Variants in ANO4 observed in about 807,000 individuals in gnomAD.
The protein encoded by ANO4 is anoctamin 4, also known as anoctamin-4.
In ANO4, 69 loss-of-function variants were observed where a neutral mutation model predicts 141.9. That is an observed-to-expected ratio of 0.49 (90% CI 0.40 to 0.59). The LOEUF is 0.59. Among genes scored for constraint, ANO4 ranks in the 20% least tolerant of loss-of-function variants. The pLI, the probability that ANO4 is intolerant of heterozygous loss-of-function variation, is 0.00. For synonymous variants in ANO4, 350 were observed against 394.3 expected (o/e 0.89, Z 1.33); for missense variants, 894 against 1,162.2 (o/e 0.77, Z 3.36).
intron 14 of ANO4, among the ~76,000 whole-genome samples, chr12:101,048,730 T>C (rs910045235): frequency 2.6e-5 from 4 of 152,186 alleles, no homozygotes; most frequent in South Asian, 2.1e-4. Flanking sequence ...TCAGTATATA[T>C]AGGACTTTCT....
intron 3 of ANO4, among the ~76,000 whole-genome samples, chr12:100,938,525 A>G (rs1049527106): frequency 6.6e-6 from 1 of 152,238 alleles, no homozygotes; most frequent in African/African-American, 2.4e-5. Context: ...GTGAACTGCA[A>G]TGCTGGCCCA....
At chr12:101,031,756 G>GA (rs1265161224) in intron 9 of ANO4, among the ~76,000 whole-genome samples, 1 of 152,210 alleles carries the variant, frequency 6.6e-6, no homozygotes, top group East Asian at 1.9e-4. Flanking sequence ...AAATGAATGT[G>GA]AAAAAATCAC....
intron 14 of ANO4, among the ~76,000 whole-genome samples, chr12:101,059,574 CCTT>C (rs1470458020): frequency 2.0e-5 from 3 of 151,972 alleles, no homozygotes; most frequent in African/African-American, 4.8e-5. Flanking sequence ...TCGACATCTT[CCTT>C]CTTCTTTTTC....
intron 25 of ANO4, among the ~76,000 whole-genome samples, chr12:101,118,062 C>A (rs1158596999): frequency 6.6e-6 from 1 of 151,884 alleles, no homozygotes; most frequent in Non-Finnish European, 1.5e-5. Flanking sequence ...CTGTTGGGGT[C>A]TAGTGGAGAA....
intron 3 of ANO4, among the ~76,000 whole-genome samples, chr12:100,788,494 G>C (rs2033941410): frequency 1.3e-5 from 2 of 152,088 alleles, no homozygotes; most frequent in African/African-American, 4.8e-5. Flanking sequence ...TTTAATCTTT[G>C]TTAATGGGTG....
chr12:100,897,517 G>A (rs908457587), intron 1 of ANO4, among the ~76,000 whole-genome samples: 5 of 152,200 alleles, frequency 3.3e-5, no homozygotes, highest in East Asian at 1.9e-4. Flanking sequence ...GGGCATCATC[G>A]CCCCACACCT....
At chr12:100,807,452 TG>T (rs1481662550) in intron 1 of ANO4, among the ~76,000 whole-genome samples, 1 of 152,216 alleles carries the variant, frequency 6.6e-6, no homozygotes, top group Admixed American at 6.5e-5. Flanking sequence ...GGATTTTTTT[TG>T]ATCTTCCTAC....
intron 1 of ANO4, among the ~76,000 whole-genome samples, chr12:100,829,829 G>A (rs537108199): frequency 3.9e-5 from 6 of 152,128 alleles, no homozygotes; most frequent in African/African-American, 1.4e-4. Flanking sequence ...TTTGTGAAGT[G>A]GGTGCCATAG....
chr12:100,872,257 A>C (rs564236267), intron 1 of ANO4, among the ~76,000 whole-genome samples: 2 of 152,258 alleles, frequency 1.3e-5, no homozygotes, highest in South Asian at 4.1e-4. Flanking sequence ...CTTTCCTAAG[A>C]TAGACATAAT....
chr12:100,733,769 A>G, intron 1 of ANO4: 1 of 699,464 alleles, frequency 1.4e-6, no homozygotes, highest in Non-Finnish European at 2.6e-6. Flanking sequence ...TTATTTTCTT[A>G]ACAGACAAAG....
chr12:100,888,434 G>A (rs1442654190), intron 1 of ANO4, among the ~76,000 whole-genome samples: 1 of 152,248 alleles, frequency 6.6e-6, no homozygotes, highest in African/African-American at 2.4e-5. Context: ...AGAGGCAAGG[G>A]CAATATTGGA....
intron 15 of ANO4, among the ~76,000 whole-genome samples, chr12:101,080,378 A>C (rs1281752198): frequency 6.6e-6 from 1 of 152,086 alleles, no homozygotes; most frequent in Non-Finnish European, 1.5e-5. Context: ...TTTGGTTTTG[A>C]ATGTACTTCA....
At chr12:100,970,090 A>G (rs1397994707) in intron 5 of ANO4, among the ~76,000 whole-genome samples, 1 of 152,182 alleles carries the variant, frequency 6.6e-6, no homozygotes, top group Non-Finnish European at 1.5e-5. Context: ...GTCTTTGTCC[A>G]AAGAACACAG....
intron 2 of ANO4, among the ~76,000 whole-genome samples, chr12:100,916,806 G>T (rs541754): frequency 0.037 from 5,613 of 152,198 alleles, 131 homozygotes; most frequent in Non-Finnish European, 0.054. Context: ...TATGGACAAA[G>T]AATGGATGGG....
intron 1 of ANO4, among the ~76,000 whole-genome samples, chr12:100,893,240 A>ATT (rs546979598): frequency 2.8e-5 from 4 of 143,670 alleles, no homozygotes; most frequent in African/African-American, 7.6e-5. Flanking sequence ...AAGAAGGAGG[A>ATT]TTTTTTTTTT....
chr12:100,753,694 G>C (rs552680072), intron 3 of ANO4, among the ~76,000 whole-genome samples: 1 of 152,154 alleles, frequency 6.6e-6, no homozygotes, highest in Non-Finnish European at 1.5e-5. Context: ...CCTAGGAAAA[G>C]ATTTATAGCA....
intron 17 of ANO4, among the ~76,000 whole-genome samples, chr12:101,091,578 T>C (rs1039173184): frequency 1.4e-4 from 21 of 152,324 alleles, no homozygotes; most frequent in Non-Finnish European, 1.5e-4. Context: ...CTTCTGAAAT[T>C]ACTCAATGTG....
At chr12:100,795,814 A>T (rs2034275333) in intron 1 of ANO4, among the ~76,000 whole-genome samples, 1 of 152,186 alleles carries the variant, frequency 6.6e-6, no homozygotes, top group Non-Finnish European at 1.5e-5. Context: ...CTAGGAGAAC[A>T]TAAGCAGGTT....
At chr12:100,730,318 C>CCG (rs1565842325) in intron 1 of ANO4, among the ~76,000 whole-genome samples, 1 of 151,980 alleles carries the variant, frequency 6.6e-6, no homozygotes, top group Admixed American at 6.6e-5. Context: ...CCCCTGCCCC[C>CCG]CAAGAGTGAG....
Sources: allele counts gnomAD v4.1 joint callset (sites outside exome capture counted in the v4.1 genomes callset), GRCh38; gene constraint gnomAD v4.1.1; transcripts MANE v1.5; gene names NCBI Gene and HGNC (gene_info 2026-07-23, HGNC 2026-07-21).